Variants in SYNE1 observed in about 807,000 individuals in gnomAD.
The protein encoded by SYNE1 is nesprin-1.
SYNE1 carries 616 observed loss-of-function variants against 1,111.0 expected under a neutral mutation model. That is an observed-to-expected ratio of 0.55 (90% CI 0.52 to 0.59). SYNE1 has a LOEUF of 0.59. SYNE1 is among the 20% of genes least tolerant of loss of function. The pLI is 0.00. For missense variants in SYNE1, 10,006 were observed against 10,417.0 expected, an observed-to-expected ratio of 0.96 and a Z score of 1.72; for synonymous variants, 3,855 against 3,825.8, an observed-to-expected ratio of 1.01 and a Z score of -0.28.
intron 138 of SYNE1, among the ~76,000 whole-genome samples, chr6:152,142,333 A>C (rs1463430200): frequency 1.3e-5 from 2 of 152,192 alleles, no homozygotes; most frequent in African/African-American, 2.4e-5. Flanking sequence ...TTAAATTGAA[A>C]TGTGGGAACG....
chr6:152,253,817 GGTTTTTTTTTTTTTTTTTTTT>G (rs1263605716), intron 104 of SYNE1, among the ~76,000 whole-genome samples: 2,613 of 59,132 alleles, frequency 0.044, 257 homozygotes, highest in African/African-American at 0.19. Context: ...GTAGTGGTTT[GGTTTTTTTTTTTTTTTTTTTT>G]TTTTTTTTTT....
rs1180581405 is a variant in SYNE1, at chr6:152,472,392, C to T, written c.1372G>A (p.Ala458Thr). 2 of 1,613,432 alleles carry T rather than the reference C, an allele frequency of 1.2e-6. No individual in the cohort carries two copies. The highest frequency in any genetic ancestry group is 2.2e-5 in the East Asian group (1 of 44,876). The change falls in exon 15 of 146, where the codon GCC becomes ACC. Residue 458 changes from alanine to threonine, a missense_variant. Coordinates refer to ENST00000367255, the MANE Select transcript of SYNE1 (RefSeq NM_182961.4). ...QHKDLLQNTD[A>T]HKRAFHEIYR... ...ATTTCATGGAATGCTCTTTTGTGGG[C>T]ATCCGTGTTTTGAAGCAGATCCTAA... is the stretch of plus-strand genomic sequence containing the variant.
intron 3 of SYNE1, among the ~76,000 whole-genome samples, chr6:152,615,028 G>A (rs1460240454): frequency 6.6e-6 from 1 of 152,148 alleles, no homozygotes; most frequent in Admixed American, 6.5e-5. Flanking sequence ...AATACCTAAT[G>A]TAAATGACAA....
intron 92 of SYNE1, 38 bp downstream of exon 92, chr6:152,301,827 CCAGT>C (rs2095184168): frequency 6.4e-7 from 1 of 1,566,526 alleles, no homozygotes; most frequent in Non-Finnish European, 8.7e-7. Context: ...TCGCCAGGCT[CCAGT>C]CAAAGAGCAA....
chr6:152,503,679 A>G (rs757103364), intron 9 of SYNE1, among the ~76,000 whole-genome samples: 23 of 152,330 alleles, frequency 1.5e-4, no homozygotes, highest in South Asian at 4.1e-4. Flanking sequence ...GAGACTTGCA[A>G]TATAGGGTTT....
intron 117 of SYNE1, among the ~76,000 whole-genome samples, chr6:152,223,356 T>C (rs561806519): frequency 1.3e-5 from 2 of 152,250 alleles, no homozygotes; most frequent in East Asian, 3.9e-4. Context: ...GCATGGTGGC[T>C]CATGCCTGTA....
intron 3 of SYNE1, among the ~76,000 whole-genome samples, chr6:152,586,801 T>G (rs1487580515): frequency 6.6e-6 from 1 of 152,140 alleles, no homozygotes; most frequent in Non-Finnish European, 1.5e-5. Flanking sequence ...TATATTAATA[T>G]AATTCATAAT....
At chr6:152,340,574 C>G (rs189508679) in intron 74 of SYNE1, among the ~76,000 whole-genome samples, 7 of 152,326 alleles carry the variant, frequency 4.6e-5, no homozygotes, top group Admixed American at 3.9e-4. Context: ...CTTGTAGGAG[C>G]AAAGTCACCA....
intron 59 of SYNE1, among the ~76,000 whole-genome samples, chr6:152,370,133 T>A (rs578139749): frequency 1.3e-5 from 2 of 152,056 alleles, no homozygotes; most frequent in Non-Finnish European, 2.9e-5. Context: ...AAATAGAATT[T>A]TTCCCCCCTA....
chr6:152,183,244 G>C (rs2068642735), intron 128 of SYNE1, among the ~76,000 whole-genome samples: 1 of 152,220 alleles, frequency 6.6e-6, no homozygotes. Context: ...GAGTCTGGCT[G>C]GTAGTTAAAA....
At chr6:152,140,185 T>C (rs1364495474) in intron 139 of SYNE1, 24 bp from the exon 140 acceptor site, 10 of 1,611,854 alleles carry the variant, frequency 6.2e-6, no homozygotes, top group Admixed American at 5.0e-5. Flanking sequence ...CATAGAACAG[T>C]GAGGTTATTT....
chr6:152,145,953 A>G, intron 137 of SYNE1: 1 of 266,854 alleles, frequency 3.7e-6, no homozygotes, highest in Non-Finnish European at 7.0e-6. Flanking sequence ...TGAACCCGGG[A>G]GGTGGAGGTT....
At chr6:152,416,250 C>G in intron 41 of SYNE1, 137 bp downstream of exon 41, 3 of 1,232,128 alleles carry the variant, frequency 2.4e-6, no homozygotes, top group Non-Finnish European at 3.5e-6. Context: ...AGCTTAATTT[C>G]TTTCTTTTGG....
At chr6:152,509,377 C>T (rs1039916174) in intron 8 of SYNE1, among the ~76,000 whole-genome samples, 1 of 151,404 alleles carries the variant, frequency 6.6e-6, no homozygotes, top group Middle Eastern at 3.4e-3. Context: ...GTGCCTCAGC[C>T]TCCCGAGTAG....
intron 74 of SYNE1, among the ~76,000 whole-genome samples, chr6:152,340,702 A>AATC (rs71556253): frequency 0.12 from 18,341 of 152,200 alleles, 1,293 homozygotes; most frequent in Non-Finnish European, 0.14. Context: ...GCCTGTTCAT[A>AATC]AGCCGTGGTA....
chr6:152,374,112 G>T (rs1033825342), intron 58 of SYNE1, among the ~76,000 whole-genome samples: 2 of 152,184 alleles, frequency 1.3e-5, no homozygotes, highest in African/African-American at 2.4e-5. Flanking sequence ...TAACAAGAGA[G>T]TGTTTCATAG....
At chr6:152,619,712 A>G (rs2099671148) in intron 3 of SYNE1, among the ~76,000 whole-genome samples, 3 of 152,104 alleles carry the variant, frequency 2.0e-5, no homozygotes, top group African/African-American at 7.2e-5. Flanking sequence ...CAAGGAAAGA[A>G]GGCACTGAGA....
intron 3 of SYNE1, among the ~76,000 whole-genome samples, chr6:152,604,998 AAGAAAGAAAGAGAGAGAGAGAGAG>A (rs2099608740): frequency 3.7e-5 from 1 of 26,922 alleles, no homozygotes; most frequent in African/African-American, 1.6e-4. Context: ...GAAAGAAAGA[AAGAAAGAAAGAGAGAGAGAGAGAG>A]AGAGAGAGAG....
Position 152,282,094 on chromosome 6 carries a change from CT to C in SYNE1, c.18208-115del, listed in dbSNP as rs541495822. 1,833 of 1,150,968 alleles carry C rather than the reference CT, an allele frequency of 1.6e-3. 3 individuals carry two copies. The highest frequency in any genetic ancestry group is 2.2e-3 in the Non-Finnish European group (1,706 of 792,342). 71.3% of individuals were successfully genotyped at this position (1,150,968 alleles called of 1,614,324 possible). The stretch of plus-strand genomic sequence containing the variant: ...CTGTACATAAGAATCACTGGTAAAA[CT>C]TTTAAAAATTTCCTTTGCTTAGGCC... On this transcript the variant is annotated intron_variant, in intron 96 of 145. Transcript: ENST00000367255.
Sources: allele counts gnomAD v4.1 joint callset (sites outside exome capture counted in the v4.1 genomes callset), GRCh38; gene constraint gnomAD v4.1.1; transcripts MANE v1.5; gene names NCBI Gene and HGNC (gene_info 2026-07-23, HGNC 2026-07-21).